The following RNF220 variants were observed in gnomAD, a reference collection of about 807,000 sequenced individuals.
RNF220 encodes E3 ubiquitin-protein ligase RNF220.
A neutral mutation model predicts 67.1 loss-of-function variants in RNF220; 7 were observed. The observed-to-expected ratio is 0.10, with a 90% confidence interval of 0.06 to 0.20. RNF220 has a LOEUF of 0.20. Ranked by LOEUF, RNF220 falls within the 10% of genes least tolerant of loss-of-function variation. The probability of loss-of-function intolerance (pLI) is 1.00; values close to 1 mark genes in which losing one functional copy is unlikely to be tolerated. For synonymous variants in RNF220, 270 were observed against 283.2 expected (o/e 0.95, Z 0.47); for missense variants, 565 against 740.3 (o/e 0.76, Z 2.75).
At chr1:44,490,572 T>G (rs1345098870) in intron 2 of RNF220, among the ~76,000 whole-genome samples, 1 of 151,674 alleles carries the variant, frequency 6.6e-6, no homozygotes, top group Non-Finnish European at 1.5e-5. Flanking sequence ...ACACCAAAAC[T>G]TATGACATAC....
chr1:44,458,089 T>A (rs1425348282), intron 2 of RNF220, among the ~76,000 whole-genome samples: 1 of 151,730 alleles, frequency 6.6e-6, no homozygotes, highest in Non-Finnish European at 1.5e-5. Flanking sequence ...AGACCCTCCC[T>A]CTACACAAAA....
chr1:44,488,137 A>AT (rs34017881), intron 2 of RNF220, among the ~76,000 whole-genome samples: 123,305 of 137,368 alleles, frequency 0.9, 56,580 homozygotes, highest in East Asian at 0.99. Flanking sequence ...TGCCTTGCTG[A>AT]TTTTTTTTTT....
At chr1:44,563,401 A>T (rs1027747157) in intron 2 of RNF220, among the ~76,000 whole-genome samples, 1 of 152,156 alleles carries the variant, frequency 6.6e-6, no homozygotes. Flanking sequence ...TGAGGACTTC[A>T]GGGGGCCCCG....
intron 2 of RNF220, among the ~76,000 whole-genome samples, chr1:44,474,375 CAAAAATAAT>C (rs1655097233): frequency 1.1e-5 from 1 of 91,202 alleles, no homozygotes; most frequent in African/African-American, 4.9e-5. Context: ...ACTCTGTCTC[CAAAAATAAT>C]AATAATAATA....
chr1:44,537,506 A>G (rs775659085), intron 2 of RNF220, among the ~76,000 whole-genome samples: 2 of 152,178 alleles, frequency 1.3e-5, no homozygotes, highest in South Asian at 2.1e-4. Flanking sequence ...AAACCCATGC[A>G]TAGAGGGGGA....
chr1:44,447,856 TG>T (rs1652262060), intron 2 of RNF220, among the ~76,000 whole-genome samples: 1 of 152,210 alleles, frequency 6.6e-6, no homozygotes, highest in Non-Finnish European at 1.5e-5. Context: ...CTGCCTGTGC[TG>T]TTCAGTGTTC....
chr1:44,438,048 CA>C (rs1651159209), intron 2 of RNF220, among the ~76,000 whole-genome samples: 1 of 152,192 alleles, frequency 6.6e-6, no homozygotes. Context: ...TCCAGCATTG[CA>C]ATCGTGTATA....
At chr1:44,411,389 GAT>G (rs1491568561) in intron 1 of RNF220, among the ~76,000 whole-genome samples, 1 of 151,338 alleles carries the variant, frequency 6.6e-6, no homozygotes, top group Non-Finnish European at 1.5e-5. Context: ...GATACATGAA[GAT>G]GTGTGTGTGT....
chr1:44,502,079 A>G (rs1572697654), intron 2 of RNF220, among the ~76,000 whole-genome samples: 1 of 100,556 alleles, frequency 9.9e-6, no homozygotes, highest in African/African-American at 3.3e-5. Flanking sequence ...ACACACACAC[A>G]CACACACACA....
rs537801555 is a variant in RNF220 at position 44,538,776 on chromosome 1, C to A, written c.626-75389C>A. ...ACCAAAACTACAAAAATTAGCTGGG[C>A]GTGGTGGCAGGCACCTGTCATCCCA... On this transcript the variant is annotated intron_variant, in intron 2 of 14. Transcript: ENST00000361799. 5.9e-5 allele frequency among the ~76,000 whole-genome samples: 9 copies of A among 151,918 alleles called. No individual in the cohort carries two copies. In the East Asian group the frequency reaches 9.7e-4, roughly 16 times the overall value.
At chr1:44,428,007 G>A (rs796099489) in intron 2 of RNF220, among the ~76,000 whole-genome samples, 15 of 152,220 alleles carry the variant, frequency 9.9e-5, no homozygotes, top group African/African-American at 3.1e-4. Flanking sequence ...GTCTTCCTAC[G>A]ACTGAAAAAT....
chr1:44,585,738 G>T (rs1313120115), intron 2 of RNF220, among the ~76,000 whole-genome samples: 1 of 152,180 alleles, frequency 6.6e-6, no homozygotes, highest in Non-Finnish European at 1.5e-5. Context: ...GCTCTGCTGT[G>T]TGACCTTGGG....
At chr1:44,482,695 C>T (rs1369832276) in intron 2 of RNF220, among the ~76,000 whole-genome samples, 1 of 152,000 alleles carries the variant, frequency 6.6e-6, no homozygotes, top group Non-Finnish European at 1.5e-5. Flanking sequence ...AATCTCAGCT[C>T]ACTGCAACCT....
intron 2 of RNF220, among the ~76,000 whole-genome samples, chr1:44,608,215 A>G (rs1241435173): frequency 1.3e-5 from 2 of 152,128 alleles, no homozygotes; most frequent in Non-Finnish European, 2.9e-5. Context: ...TTGAGCCACC[A>G]CACCGGCCCC....
intron 4 of RNF220, among the ~76,000 whole-genome samples, chr1:44,625,890 T>C (rs1048395504): frequency 6.6e-6 from 1 of 152,112 alleles, no homozygotes; most frequent in Non-Finnish European, 1.5e-5. Context: ...GTCTCCATTG[T>C]GGGGCTGCCA....
chr1:44,632,592 C>G (rs1304897352), intron 6 of RNF220: 1 of 611,720 alleles, frequency 1.6e-6, no homozygotes, highest in African/African-American at 1.9e-5. Flanking sequence ...CCAGCTCTTG[C>G]CCAAACCTCT....
chr1:44,598,622 G>T (rs1666706331), intron 2 of RNF220, among the ~76,000 whole-genome samples: 1 of 151,910 alleles, frequency 6.6e-6, no homozygotes, highest in Non-Finnish European at 1.5e-5. Flanking sequence ...TCTGGGATAG[G>T]GGAGCTGCTG....
chr1:44,421,750 G>T (rs151194657), intron 2 of RNF220, among the ~76,000 whole-genome samples: 2 of 152,202 alleles, frequency 1.3e-5, no homozygotes, highest in East Asian at 3.9e-4. Context: ...TAGAGAAAAA[G>T]CCCCATGGGA....
chr1:44,506,558 A>C (rs912031822), intron 2 of RNF220, among the ~76,000 whole-genome samples: 1 of 152,212 alleles, frequency 6.6e-6, no homozygotes, highest in Admixed American at 6.5e-5. Context: ...GGGGTCATCT[A>C]TCAGCCTCCA....
Sources: gnomAD v4.1 joint callset for allele counts (sites outside exome capture counted in the v4.1 genomes callset) on GRCh38, gnomAD v4.1.1 for gene constraint, MANE v1.5 for transcripts, NCBI Gene and HGNC (gene_info 2026-07-23, HGNC 2026-07-21) for gene names.